TACC2: variants seen among roughly 807,000 people sequenced by gnomAD.
TACC2 encodes transforming acidic coiled-coil-containing protein 2.
A neutral mutation model predicts 227.3 loss-of-function variants in TACC2; 137 were observed. That is an observed-to-expected ratio of 0.60 (90% CI 0.52 to 0.69). The LOEUF is 0.69. TACC2 is among the 30% of genes least tolerant of loss of function. TACC2 has a pLI of 0.00. For synonymous variants in TACC2, 1,523 were observed against 1,487.5 expected (o/e 1.02, Z -0.55); for missense variants, 3,470 against 3,694.4 (o/e 0.94, Z 1.57).
At chr10:122,248,908 C>T (rs994651527) in intron 20 of TACC2, 105 bp downstream of exon 20, 16 of 1,530,216 alleles carry the variant, frequency 1.0e-5, no homozygotes, top group Middle Eastern at 1.7e-4. Context: ...GAGCCACCTG[C>T]GAGGAGGGGG....
At position 122,054,678 on chromosome 10, in the gene TACC2, C is replaced by T. The variant is rs77625077; in HGVS notation, c.146+4128C>T. 7.2e-3 allele frequency among the ~76,000 whole-genome samples: 1,090 copies of T among 152,208 alleles called. 20 individuals are homozygous for T. The highest frequency in any genetic ancestry group is 0.025 in the African/African-American group (1,029 of 41,510). On this transcript the variant is annotated intron_variant, in intron 3 of 22. Transcript: ENST00000369005. ...CTGAAAAAGGTCAAGGGCAGTGTTT[C>T]GAGATGACCGGCTTTTCTCAGGGAG... is the stretch of plus-strand genomic sequence containing the variant.
intron 8 of TACC2, among the ~76,000 whole-genome samples, chr10:122,207,424 G>A (rs1049098136): frequency 2.6e-5 from 4 of 152,178 alleles, no homozygotes; most frequent in African/African-American, 7.2e-5. Context: ...TAAGACAGCC[G>A]TTCCCAACCA....
chr10:122,013,451 C>G (rs1956189224), intron 1 of TACC2, among the ~76,000 whole-genome samples: 1 of 152,202 alleles, frequency 6.6e-6, no homozygotes, highest in Admixed American at 6.5e-5. Context: ...GCTCCATGCT[C>G]AGCTGTGCAA....
intron 7 of TACC2, among the ~76,000 whole-genome samples, chr10:122,176,117 C>CTCTCTCTATATATA (rs1447382017): frequency 1.1e-4 from 6 of 54,648 alleles, no homozygotes; most frequent in Admixed American, 4.5e-4. Context: ...CTCTCTCTCT[C>CTCTCTCTATATATA]TATATATATA....
intron 5 of TACC2, among the ~76,000 whole-genome samples, chr10:122,104,929 G>T (rs1592052944): frequency 6.6e-6 from 1 of 152,298 alleles, no homozygotes; most frequent in East Asian, 1.9e-4. Flanking sequence ...ATCGTTATCT[G>T]ATGATAGACG....
At position 122,249,108 on chromosome 10, in the gene TACC2, A is replaced by G; in HGVS notation, c.8612A>G (p.Glu2871Gly). The part of the protein sequence containing the change: ...QEYLSRVKKE[E>G]QRYQALKVHA... The stretch of plus-strand genomic sequence containing the variant: ...TACCTGTCCCGGGTGAAGAAGGAGG[A>G]GCAGAGGTACCAGGCCCTGAAGGTG... The change falls in exon 21 of 23, where the codon GAG (glutamate) becomes GGG (glycine). Residue 2871 changes from glutamate to glycine, a missense_variant. Physicochemically the swap from Glu to Gly is moderately conservative, Grantham distance 98. Around this residue, in one of 10 missense-constraint regions of TACC2, gnomAD observed 89 missense variants for 91.4 expected, o/e 0.97. Transcript: ENST00000369005. The G allele has an allele frequency of 6.2e-7, 1 of 1,613,232 alleles. No homozygotes were observed. Among genetic ancestry groups the G allele is most frequent in the Non-Finnish European group, 8.5e-7 (1 of 1,179,900 alleles).
chr10:122,043,036 G>GT (rs1565143627), intron 2 of TACC2, among the ~76,000 whole-genome samples: 1 of 152,192 alleles, frequency 6.6e-6, no homozygotes. Context: ...ACCCACTGAG[G>GT]TAGGGAAGGG....
At position 122,194,981 on chromosome 10, in the gene TACC2, G is replaced by C; in HGVS notation, c.5835-59G>C. 1 of 1,546,890 alleles carries C rather than the reference G, an allele frequency of 6.5e-7. No homozygotes were observed. Among genetic ancestry groups the C allele is most frequent in the Non-Finnish European group, 8.8e-7 (1 of 1,140,860 alleles). On this transcript the variant is annotated intron_variant, in intron 7 of 22. Coordinates refer to ENST00000369005, the MANE Select transcript of TACC2 (RefSeq NM_206862.4). The surrounding 1 kb of genome is among the most constrained non-coding windows in gnomAD (Gnocchi z 4.4). ...TGGCTCTGGGTGCGAAGGCCACACC[G>C]GCTCAGCAGAACTGGCTCTGGGCCC...
Position 122,082,849 on chromosome 10 carries a change from C to T in TACC2, c.349C>T (p.Pro117Ser). 1.2e-6 allele frequency: 2 copies of T among 1,613,548 alleles called. No homozygotes were observed. Among genetic ancestry groups the T allele is most frequent in the African/African-American group, 2.7e-5 (2 of 75,022 alleles). Residue 117 changes from proline to serine, a missense_variant, in exon 4 of 23, where the codon CCC (proline) becomes TCC (serine). Transcript: ENST00000369005. ...GTCCTCCATGCCCTTTGCCGAGTGT[C>T]CCCCGGAAGGTTGCTTGGCAAGTCC... ...PSSSMPFAEC[P>S]PEGCLASPAA...
intron 7 of TACC2, chr10:122,163,599 T>G: frequency 2.0e-6 from 2 of 1,008,768 alleles, no homozygotes; most frequent in Non-Finnish European, 2.4e-6. Context: ...GCCGGGGGGT[T>G]TAAGAGAAGA....
intron 12 of TACC2, among the ~76,000 whole-genome samples, chr10:122,225,384 C>A (rs746016785): frequency 1.3e-5 from 2 of 152,218 alleles, no homozygotes; most frequent in Non-Finnish European, 2.9e-5. Context: ...GTCATAGATG[C>A]CGGGGTTACT....
At position 122,086,706 on chromosome 10, in the gene TACC2, C is replaced by T. The variant is rs1168394869; in HGVS notation, c.4206C>T (p.Leu1402=). ...CAAGCTCTGAGCAAATCGCCACCCT[C>T]ACTGGCTTCCCAGACTTCAGGGAGC... ...VDTSSEQIAT[L]TGFPDFREHI... Residue 1402 remains leucine (L), a synonymous_variant, in exon 4 of 23, where the codon CTC becomes CTT. Transcript: ENST00000369005. 2 of 1,613,950 alleles carry T rather than the reference C, an allele frequency of 1.2e-6. No individual in the cohort carries two copies. The highest frequency in any genetic ancestry group is 1.3e-5 in the African/African-American group (1 of 75,060).
At position 122,115,316 on chromosome 10, in the gene TACC2, GT is replaced by G. The variant is rs2084476784; in HGVS notation, c.5574-17292del. Among the ~76,000 whole-genome samples, 2 of 11,110 alleles carry G rather than the reference GT, an allele frequency of 1.8e-4. 1 individual carries two copies. Among genetic ancestry groups the G allele is most frequent in the African/African-American group, 2.2e-4 (2 of 9,056 alleles). The allele number at this position is 11,110 out of a possible 152,430, so 7.3% of individuals were successfully genotyped here. A position where few individuals can be genotyped will look rare whatever the true frequency, so the allele number is the denominator to read the frequency against. ...TGTGTGTGTGTGTGTGTGTGTGTGTGTGTGAGATACCTGAGCATGCACATAT... is the reference window on the plus strand; with the variant it reads ...TGTGTGTGTGTGTGTGTGTGTGTGTGGTGAGATACCTGAGCATGCACATAT... On this transcript the variant is annotated intron_variant, in intron 5 of 22. Transcript: ENST00000369005.
chr10:122,201,298 C>T (rs546124753), intron 8 of TACC2, among the ~76,000 whole-genome samples: 50 of 148,974 alleles, frequency 3.4e-4, no homozygotes, highest in African/African-American at 1.2e-3. Context: ...ATGGGGAAAA[C>T]GGCCACCTCA....
intron 7 of TACC2, among the ~76,000 whole-genome samples, chr10:122,176,797 A>G (rs190801923): frequency 4.6e-5 from 7 of 152,346 alleles, no homozygotes; most frequent in African/African-American, 1.7e-4. Flanking sequence ...AACAGGAGAA[A>G]AAACACAGTA....
intron 5 of TACC2, among the ~76,000 whole-genome samples, chr10:122,121,553 C>T (rs969681019): frequency 2.0e-5 from 3 of 152,214 alleles, no homozygotes; most frequent in Non-Finnish European, 2.9e-5. Flanking sequence ...TCTGTGAAGG[C>T]TCCCAGGCAT....
chr10:122,213,111 G>T (rs1417151033), intron 9 of TACC2, among the ~76,000 whole-genome samples: 1 of 152,210 alleles, frequency 6.6e-6, no homozygotes, highest in African/African-American at 2.4e-5. Context: ...GGACTTTGGC[G>T]TGGAAGACCC....
intron 8 of TACC2, among the ~76,000 whole-genome samples, chr10:122,203,379 C>A (rs1053965691): frequency 4.5e-4 from 67 of 149,600 alleles, no homozygotes; most frequent in Admixed American, 4.0e-3. Context: ...GACCCCCCCA[C>A]CTCCCTCCCG....
intron 18 of TACC2, among the ~76,000 whole-genome samples, chr10:122,241,437 G>A (rs1056358003): frequency 3.3e-5 from 5 of 152,084 alleles, no homozygotes; most frequent in African/African-American, 1.2e-4. Flanking sequence ...GATCACAGAC[G>A]CAGACCACCA....
Sources: gnomAD v4.1 joint callset for allele counts (sites outside exome capture counted in the v4.1 genomes callset) on GRCh38, gnomAD v4.1.1 for gene constraint, gnomAD v4.1.1 regional missense constraint, Gnocchi (gnomAD v3.1) non-coding constraint, MANE v1.5 for transcripts, NCBI Gene and HGNC (gene_info 2026-07-23, HGNC 2026-07-21) for gene names.